The following EML4 variants were observed in gnomAD, a reference collection of about 807,000 sequenced individuals.
EML4 encodes the protein echinoderm microtubule-associated protein-like 4.
In EML4, 72 loss-of-function variants were observed where a neutral mutation model predicts 129.0. The observed-to-expected ratio is 0.56, with a 90% confidence interval of 0.46 to 0.68. EML4 has a LOEUF of 0.68. EML4 is among the 30% of genes least tolerant of loss of function. The pLI is 0.00. For missense variants in EML4, 1,363 were observed against 1,190.6 expected, an observed-to-expected ratio of 1.14 and a Z score of -2.13; for synonymous variants, 532 against 405.0, an observed-to-expected ratio of 1.31 and a Z score of -3.77.
chr2:42,285,061 T>C (rs532057958), intron 9 of EML4, among the ~76,000 whole-genome samples: 18 of 130,770 alleles, frequency 1.4e-4, no homozygotes, highest in Admixed American at 4.3e-4. Context: ...GATTCTTATT[T>C]ACTTTCTTAA....
chr2:42,319,045 T>G (rs1402931582), intron 19 of EML4, among the ~76,000 whole-genome samples: 3 of 152,196 alleles, frequency 2.0e-5, no homozygotes, highest in Admixed American at 6.5e-5. Context: ...AGTCCATACC[T>G]TAATAAACAG....
chr2:42,172,045 T>C (rs1190477205), intron 1 of EML4, among the ~76,000 whole-genome samples: 4 of 152,034 alleles, frequency 2.6e-5, no homozygotes, highest in Admixed American at 2.0e-4. Flanking sequence ...TCTACTCTAG[T>C]AGGTGTTTAA....
chr2:42,176,335 A>G (rs772063422), intron 1 of EML4, among the ~76,000 whole-genome samples: 1 of 152,068 alleles, frequency 6.6e-6, no homozygotes, highest in Admixed American at 6.5e-5. Flanking sequence ...GAGAATCTCC[A>G]CCTGTCCAGT....
At chr2:42,310,317 C>T (rs921108053) in intron 17 of EML4, among the ~76,000 whole-genome samples, 18 of 151,528 alleles carry the variant, frequency 1.2e-4, no homozygotes, top group Non-Finnish European at 2.2e-4. Context: ...CTTCCCCTTT[C>T]CCTTTCCCTT....
At chr2:42,294,741 A>C (rs945434762) in intron 11 of EML4, among the ~76,000 whole-genome samples, 1 of 152,136 alleles carries the variant, frequency 6.6e-6, no homozygotes, top group Non-Finnish European at 1.5e-5. Flanking sequence ...CCATAATAAT[A>C]GTACAAAGAA....
intron 2 of EML4, among the ~76,000 whole-genome samples, chr2:42,247,450 T>C (rs765068260): frequency 2.0e-4 from 31 of 152,082 alleles, no homozygotes; most frequent in Non-Finnish European, 3.4e-4. Context: ...CTGCCCGGTT[T>C]TGTGATTCCC....
chr2:42,233,309 C>T lies in EML4; in HGVS notation c.26-12196C>T, dbSNP rs915683109. On this transcript the variant is annotated intron_variant, in intron 1 of 22. Coordinates refer to ENST00000318522, the MANE Select transcript of EML4 (RefSeq NM_019063.5). ...ATTGTTTGTTATTACAGGTTTCTTT[C>T]TTTTTTTTTTTTTTTTAATGGAGTC... is the stretch of plus-strand genomic sequence containing the variant. 2.9e-3 allele frequency among the ~76,000 whole-genome samples: 400 copies of T among 137,116 alleles called. 2 individuals are homozygous for T. Among genetic ancestry groups the T allele is most frequent in the African/African-American group, 0.01 (381 of 37,994 alleles). The allele number at this position is 137,116 out of a possible 152,430, so 90.0% of individuals were successfully genotyped here.
intron 14 of EML4, 127 bp downstream of exon 14, chr2:42,301,519 A>G: frequency 1.5e-5 from 11 of 740,366 alleles, no homozygotes; most frequent in Non-Finnish European, 2.2e-5. Context: ...CCTTTCCTCA[A>G]GAAAGGAGTT....
At chr2:42,204,669 G>GAT (rs1401236197) in intron 1 of EML4, among the ~76,000 whole-genome samples, 1 of 152,316 alleles carries the variant, frequency 6.6e-6, no homozygotes, top group East Asian at 1.9e-4. Context: ...AAGGGATGGT[G>GAT]ATGGGATCAG....
chr2:42,224,218 A>G (rs931363607), intron 1 of EML4, among the ~76,000 whole-genome samples: 7 of 152,008 alleles, frequency 4.6e-5, no homozygotes, highest in Non-Finnish European at 7.4e-5. Flanking sequence ...GTTTCTCCCA[A>G]TCCCTATAGT....
chr2:42,209,710 A>T (rs1428788637), intron 1 of EML4, among the ~76,000 whole-genome samples: 1 of 152,158 alleles, frequency 6.6e-6, no homozygotes, highest in Non-Finnish European at 1.5e-5. Flanking sequence ...CCTGTGGATC[A>T]CCTGAGGTCA....
chr2:42,229,571 A>C (rs535874037), intron 1 of EML4, among the ~76,000 whole-genome samples: 26 of 152,308 alleles, frequency 1.7e-4, no homozygotes, highest in African/African-American at 6.0e-4. Flanking sequence ...AGAGAGAAAA[A>C]TAAAAGAAAT....
rs907534526 is a variant in EML4 at position 42,258,642 on chromosome 2, C to T, written c.338+2012C>T. Among the ~76,000 whole-genome samples, 7 of 152,026 alleles carry T rather than the reference C, an allele frequency of 4.6e-5. No individual in the cohort carries two copies. In the East Asian group the frequency reaches 1.2e-3, roughly 25 times the overall value. On this transcript the variant is annotated intron_variant, in intron 3 of 22. Coordinates refer to ENST00000318522, the MANE Select transcript of EML4 (RefSeq NM_019063.5). ...CTCAAACTCCCAACCTCAGGTCATC[C>T]GCCCGCCTTAACCTCCCAAAGTGGT...
chr2:42,201,503 A>G (rs1672232648), intron 1 of EML4, among the ~76,000 whole-genome samples: 1 of 152,206 alleles, frequency 6.6e-6, no homozygotes, highest in African/African-American at 2.4e-5. Flanking sequence ...TTCTGAGTAT[A>G]TATCCAAAGG....
intron 1 of EML4, among the ~76,000 whole-genome samples, chr2:42,194,941 A>G (rs1049257360): frequency 1.3e-5 from 2 of 152,216 alleles, no homozygotes; most frequent in African/African-American, 4.8e-5. Flanking sequence ...TTTTCTTACA[A>G]ATATGCTTAT....
intron 19 of EML4, among the ~76,000 whole-genome samples, chr2:42,319,053 C>G (rs904346055): frequency 3.9e-5 from 6 of 152,186 alleles, no homozygotes; most frequent in Middle Eastern, 3.2e-3. Context: ...CCTTAATAAA[C>G]AGTATATCAA....
intron 1 of EML4, among the ~76,000 whole-genome samples, chr2:42,193,459 T>G (rs2719135): frequency 6.6e-6 from 1 of 152,078 alleles, no homozygotes. Context: ...TGTGATTGTT[T>G]AGACTGACAG....
Position 42,317,233 on chromosome 2 carries a change from A to C in EML4, c.2057-194A>C, listed in dbSNP as rs564232620. 4.2e-4 allele frequency among the ~76,000 whole-genome samples: 64 copies of C among 152,346 alleles called. 1 individual carries two copies. The highest frequency in any genetic ancestry group is 3.4e-3 in the Middle Eastern group (1 of 294). On this transcript the variant is annotated intron_variant, in intron 18 of 22. Coordinates refer to ENST00000318522, the MANE Select transcript of EML4 (RefSeq NM_019063.5). ...GGCCTAGAGTCCAAGGCCTGTAAGC[A>C]TCTCCAAGAAGGGATTGTGTATTAG... is the stretch of plus-strand genomic sequence containing the variant.
intron 1 of EML4, among the ~76,000 whole-genome samples, chr2:42,237,668 C>T (rs997326485): frequency 2.6e-5 from 4 of 152,130 alleles, no homozygotes; most frequent in Non-Finnish European, 4.4e-5. Context: ...CAAGTTGATT[C>T]ACATATTTTT....
Sources: allele counts gnomAD v4.1 joint callset (sites outside exome capture counted in the v4.1 genomes callset), GRCh38; gene constraint gnomAD v4.1.1; transcripts MANE v1.5; gene names NCBI Gene and HGNC (gene_info 2026-07-23, HGNC 2026-07-21).